LMLN: variants seen among roughly 807,000 people sequenced by gnomAD.
LMLN encodes the protein leishmanolysin like peptidase.
LMLN carries 70 observed loss-of-function variants against 92.3 expected under a neutral mutation model. The ratio of observed to expected loss-of-function variants is 0.76; its 90% CI spans 0.63 to 0.92. The LOEUF is 0.92. Ranked by LOEUF, LMLN falls within the 40% of genes least tolerant of loss-of-function variation. LMLN has a pLI of 0.00. For missense variants in LMLN, 691 were observed against 814.6 expected (o/e 0.85, Z 1.85); for synonymous variants, 308 against 296.2 (o/e 1.04, Z -0.41).
chr3:197,967,172 C>A (rs919526551), intron 1 of LMLN, among the ~76,000 whole-genome samples: 4 of 151,960 alleles, frequency 2.6e-5, no homozygotes, highest in African/African-American at 9.7e-5. Flanking sequence ...GGTTTTTTAC[C>A]AACTACCTGC....
At chr3:197,995,952 A>G (rs1394696819) in intron 9 of LMLN, among the ~76,000 whole-genome samples, 4 of 152,314 alleles carry the variant, frequency 2.6e-5, no homozygotes, top group East Asian at 3.9e-4. Context: ...GAAAATCTTC[A>G]GAGAGAAGAA....
intron 10 of LMLN, 133 bp downstream of exon 10, chr3:197,996,415 T>C (rs1440254967): frequency 2.0e-6 from 1 of 509,794 alleles, no homozygotes; most frequent in Non-Finnish European, 3.4e-6. Flanking sequence ...CCAGATGCAC[T>C]TTCCAGATAC....
At chr3:198,029,273 C>T (rs1380500390) in intron 14 of LMLN, among the ~76,000 whole-genome samples, 1 of 152,144 alleles carries the variant, frequency 6.6e-6, no homozygotes, top group Non-Finnish European at 1.5e-5. Context: ...AACTAATTTC[C>T]CTCCTCTCAT....
intron 11 of LMLN, among the ~76,000 whole-genome samples, chr3:198,006,117 A>G (rs1474218157): frequency 6.6e-6 from 1 of 152,176 alleles, no homozygotes; most frequent in Non-Finnish European, 1.5e-5. Flanking sequence ...GCTCTGTCTC[A>G]AAAAAGAGAA....
At chr3:197,972,975 C>T (rs1485501518) in intron 1 of LMLN, among the ~76,000 whole-genome samples, 1 of 152,114 alleles carries the variant, frequency 6.6e-6, no homozygotes, top group African/African-American at 2.4e-5. Context: ...GCTGTAGCTC[C>T]TCAAGCCAGT....
At chr3:197,996,247 A>G in exon 10 of LMLN, 2 of 1,604,116 alleles carry the variant, frequency 1.2e-6, no homozygotes, top group Non-Finnish European at 1.7e-6. Flanking sequence ...TGGTGTGGGC[A>G]CTGAGCTCAA....
At chr3:197,990,738 T>G in intron 9 of LMLN, 62 bp downstream of exon 9, 1 of 775,426 alleles carries the variant, frequency 1.3e-6, no homozygotes, top group Non-Finnish European at 2.2e-6. Flanking sequence ...CTGTGGTCCT[T>G]TCTTTACTCA....
At chr3:198,010,924 T>G (rs950424030) in intron 11 of LMLN, among the ~76,000 whole-genome samples, 24 of 152,186 alleles carry the variant, frequency 1.6e-4, no homozygotes, top group Non-Finnish European at 2.5e-4. Context: ...TTTTAAAAAT[T>G]TTTCTTTGAG....
chr3:197,999,912 A>G (rs1722125459), intron 11 of LMLN, among the ~76,000 whole-genome samples: 1 of 152,270 alleles, frequency 6.6e-6, no homozygotes, highest in African/African-American at 2.4e-5. Context: ...GGCTGAGCCC[A>G]TATGAAGGAA....
intron 10 of LMLN, 82 bp from the exon 11 acceptor site, chr3:197,999,184 A>G (rs1722105189): frequency 2.1e-6 from 2 of 951,552 alleles, no homozygotes; most frequent in Non-Finnish European, 1.7e-6. Flanking sequence ...AAACATTTTA[A>G]ATATGTATAT....
chr3:197,981,394 T>TA (rs1245558990), intron 6 of LMLN, among the ~76,000 whole-genome samples: 1 of 152,122 alleles, frequency 6.6e-6, no homozygotes, highest in African/African-American at 2.4e-5. Flanking sequence ...ATAATAATGA[T>TA]AAGTCCACTG....
chr3:198,005,950 C>T (rs148881254), intron 11 of LMLN, among the ~76,000 whole-genome samples: 1 of 152,074 alleles, frequency 6.6e-6, no homozygotes, highest in East Asian at 1.9e-4. Context: ...AACCCCATCT[C>T]TACTAAAAAT....
intron 15 of LMLN, 69 bp from the exon 17 acceptor site, chr3:198,038,498 C>A: frequency 2.8e-6 from 3 of 1,082,440 alleles, no homozygotes; most frequent in Non-Finnish European, 4.3e-6. Flanking sequence ...CTTCATCTGT[C>A]AATATTTAAT....
chr3:197,966,068 A>G (rs994740381), intron 1 of LMLN, among the ~76,000 whole-genome samples: 7 of 152,112 alleles, frequency 4.6e-5, no homozygotes, highest in Admixed American at 3.9e-4. Flanking sequence ...TTTGAGACAG[A>G]GTCTCTCTCC....
chr3:198,032,618 G>T (rs1023362262), intron 14 of LMLN, among the ~76,000 whole-genome samples: 6 of 152,166 alleles, frequency 3.9e-5, no homozygotes, highest in African/African-American at 1.4e-4. Context: ...AAGGCAGAGT[G>T]GGGGCAGGCT....
intron 11 of LMLN, among the ~76,000 whole-genome samples, chr3:198,016,194 CAAAAAAAAAA>C (rs202075630): frequency 2.4e-5 from 2 of 83,856 alleles, no homozygotes; most frequent in Non-Finnish European, 4.8e-5. Context: ...GTTGCAAAAA[CAAAAAAAAAA>C]AAAAAAAAAG....
At chr3:197,968,279 A>T (rs1444385019) in intron 1 of LMLN, among the ~76,000 whole-genome samples, 1 of 152,004 alleles carries the variant, frequency 6.6e-6, no homozygotes. Context: ...ATCCTGGCTA[A>T]CACGGTGAAA....
At chr3:198,043,432 G>A (rs1723467575) in exon 16 of LMLN, 1 of 152,642 alleles carries the variant, frequency 6.6e-6, no homozygotes, top group Non-Finnish European at 1.5e-5. Flanking sequence ...CAGTGTCACA[G>A]ACCCTTGTCA....
intron 1 of LMLN, among the ~76,000 whole-genome samples, chr3:197,970,085 G>A (rs894858114): frequency 7.2e-5 from 11 of 152,094 alleles, no homozygotes; most frequent in Non-Finnish European, 1.3e-4. Flanking sequence ...CCAGGAGGCG[G>A]AGGTTGCAGT....
Sources: gnomAD v4.1 joint callset for allele counts (sites outside exome capture counted in the v4.1 genomes callset) on GRCh38, gnomAD v4.1.1 for gene constraint, MANE v1.5 for transcripts, NCBI Gene and HGNC (gene_info 2026-07-23, HGNC 2026-07-21) for gene names.